Variants in TENT2 observed in about 807,000 individuals in gnomAD.
TENT2 encodes poly(A) RNA polymerase GLD2.
TENT2 carries 44 observed loss-of-function variants against 72.2 expected under a neutral mutation model. The ratio of observed to expected loss-of-function variants is 0.61; its 90% confidence interval spans 0.48 to 0.78. The LOEUF (loss-of-function observed/expected upper bound fraction) is 0.78. Among genes scored for constraint, TENT2 ranks in the 30% least tolerant of loss-of-function variants. The probability of loss-of-function intolerance (pLI) is 0.00; values close to 1 mark genes in which losing one functional copy is unlikely to be tolerated. For missense variants in TENT2, 541 were observed against 569.6 expected (o/e 0.95, Z 0.51); for synonymous variants, 212 against 192.5 (o/e 1.10, Z -0.84).
intron 12 of TENT2, among the ~76,000 whole-genome samples, chr5:79,669,954 CGCGGTA>C (rs1408895044): frequency 2.6e-5 from 4 of 151,972 alleles, no homozygotes; most frequent in African/African-American, 9.7e-5. Flanking sequence ...TCAGGCCGGG[CGCGGTA>C]GCTCATGCCT....
At chr5:79,619,830 T>C (rs1427811517) in intron 2 of TENT2, 45 bp downstream of exon 2, 1 of 1,583,958 alleles carries the variant, frequency 6.3e-7, no homozygotes, top group Non-Finnish European at 8.6e-7. Context: ...TAAATTTCAT[T>C]TTCTATTTGA....
chr5:79,616,395 A>G (rs558759332), intron 1 of TENT2, among the ~76,000 whole-genome samples: 3 of 150,118 alleles, frequency 2.0e-5, no homozygotes, highest in Non-Finnish European at 4.4e-5. Flanking sequence ...GGATTTCACC[A>G]TGTTAGTCAG....
At chr5:79,679,785 CTT>C in intron 13 of TENT2, 115 bp downstream of exon 13, 1 of 543,170 alleles carries the variant, frequency 1.8e-6, no homozygotes, top group Non-Finnish European at 2.8e-6. Context: ...ATTTGTAAGT[CTT>C]TTAGTTTAAA....
chr5:79,626,990 C>T (rs1343513155), intron 4 of TENT2, among the ~76,000 whole-genome samples: 13 of 151,856 alleles, frequency 8.6e-5, no homozygotes, highest in South Asian at 2.1e-4. Context: ...ATTAGCTGGG[C>T]GTGGTGGCAG....
At chr5:79,638,005 G>T (rs972676039) in intron 4 of TENT2, among the ~76,000 whole-genome samples, 44 of 151,548 alleles carry the variant, frequency 2.9e-4, no homozygotes, top group African/African-American at 1.0e-3. Context: ...TCACCATGTT[G>T]TCCAGGATGG....
Position 79,645,194 on chromosome 5 carries a change from T to TA in TENT2, c.821+5dup, listed in dbSNP as rs773676047. On this transcript the variant is annotated splice_region_variant and intron_variant, in intron 8 of 14. Transcript: ENST00000453514. The stretch of plus-strand genomic sequence containing the variant: ...TGTGAAGTTCAGGGATAAAGTCAGG[T>TA]AAATAATTAATGAGCTTTCTTTTTT... 6.2e-7 allele frequency: 1 copy of TA among 1,602,080 alleles called. No homozygotes were observed. Among genetic ancestry groups the TA allele is most frequent in the South Asian group, 1.1e-5 (1 of 88,692 alleles).
intron 10 of TENT2, 41 bp downstream of exon 10, chr5:79,649,231 G>C (rs1022834863): frequency 6.3e-7 from 1 of 1,577,680 alleles, no homozygotes. Context: ...AAAAGTAAAA[G>C]ACAGCTTTAT....
intron 11 of TENT2, among the ~76,000 whole-genome samples, chr5:79,663,859 A>G (rs1580551720): frequency 6.6e-6 from 1 of 152,198 alleles, no homozygotes; most frequent in Non-Finnish European, 1.5e-5. Flanking sequence ...AAACTGCAGT[A>G]TCTTCGAAGT....
chr5:79,644,656 A>G (rs1246734164), intron 7 of TENT2: 1 of 152,400 alleles, frequency 6.6e-6, no homozygotes, highest in Non-Finnish European at 1.5e-5. Context: ...TTTCACTTGT[A>G]GAGATCATGT....
chr5:79,642,040 T>C (rs1784875114), intron 6 of TENT2, among the ~76,000 whole-genome samples: 1 of 152,056 alleles, frequency 6.6e-6, no homozygotes, highest in Admixed American at 6.6e-5. Context: ...TTCATTAAGC[T>C]GACTTGAGGC....
intron 8 of TENT2, 110 bp downstream of exon 8, chr5:79,645,302 T>A: frequency 1.1e-6 from 1 of 883,340 alleles, no homozygotes; most frequent in Non-Finnish European, 1.7e-6. Flanking sequence ...TTTATTTTAA[T>A]CAGTTTTTAG....
rs1302872584 is a variant in TENT2 at position 79,619,896 on chromosome 5, T to G, written c.138-98T>G. The G allele has an allele frequency of 5.4e-6, 8 of 1,472,432 alleles. No individual in the cohort carries two copies. In the South Asian group the frequency reaches 9.0e-5, roughly 17 times the overall value. 91.2% of individuals were successfully genotyped at this position (1,472,432 alleles called of 1,614,324 possible). On this transcript the variant is annotated intron_variant, in intron 2 of 14. Transcript: ENST00000453514. ...CATGGAGAATATGTCGTCACATTTT[T>G]TTTTGATACGGATGTATTTAATTTT...
At chr5:79,670,311 T>TTTTACTTA (rs1811962723) in intron 12 of TENT2, among the ~76,000 whole-genome samples, 1 of 151,782 alleles carries the variant, frequency 6.6e-6, no homozygotes, top group African/African-American at 2.4e-5. Context: ...AGGTAAGAGC[T>TTTTACTTA]TTTATTTATT....
rs1561504360 is a variant in TENT2, at chr5:79,641,085, A to C, written c.581-20A>C. 6.4e-7 allele frequency: 1 copy of C among 1,550,860 alleles called. No individual in the cohort carries two copies. Among genetic ancestry groups the C allele is most frequent in the Non-Finnish European group, 8.7e-7 (1 of 1,154,816 alleles). ...ACTTTAGATTTTAAATACTCTTATT[A>C]CTTTCTTCTGTTTCTTTAGAAAGCA... is the stretch of plus-strand genomic sequence containing the variant. On this transcript the variant is annotated intron_variant, in intron 5 of 14. Coordinates refer to ENST00000453514, the MANE Select transcript of TENT2 (RefSeq NM_001114394.3).
chr5:79,626,998 C>T (rs1476508430), intron 4 of TENT2, among the ~76,000 whole-genome samples: 5 of 151,864 alleles, frequency 3.3e-5, no homozygotes, highest in African/African-American at 7.3e-5. Context: ...GGCGTGGTGG[C>T]AGGCGCCTAT....
intron 11 of TENT2, 148 bp downstream of exon 11, chr5:79,657,149 T>C: frequency 1.9e-6 from 1 of 531,438 alleles, no homozygotes; most frequent in Non-Finnish European, 3.2e-6. Flanking sequence ...TTAAAATGTT[T>C]CATATACTGT....
In TENT2 at chr5:79,623,474, T is replaced by C. The variant is rs755542352; in HGVS notation, c.450T>C (p.Pro150=). The change falls in exon 4 of 15, where the codon CCT becomes CCC. Residue 150 remains proline, a synonymous_variant. Transcript: ENST00000453514. ...AFLEPREITL[P]EAKDKLSQQI... is the part of the protein sequence containing the mutation. The stretch of plus-strand genomic sequence containing the variant: ...TAGAACCTAGAGAAATCACACTGCC[T>C]GAGGCCAAAGATAAGGTAATAATAA... 6.2e-7 allele frequency: 1 copy of C among 1,604,190 alleles called. No individual in the cohort carries two copies. Among genetic ancestry groups the C allele is most frequent in the South Asian group, 1.1e-5 (1 of 90,010 alleles).
Position 79,635,314 on chromosome 5 carries a change from A to G in TENT2, c.466-5537A>G, listed in dbSNP as rs761688202. On this transcript the variant is annotated intron_variant, in intron 4 of 14. Transcript: ENST00000453514. ...TATGATTTGATAATGTGAATCCCCAAGTTAATGGGTAGATAATGACGAAAA... is the reference window on the plus strand; with the variant it reads ...TATGATTTGATAATGTGAATCCCCAGGTTAATGGGTAGATAATGACGAAAA... Among the ~76,000 whole-genome samples, 71 of 152,222 alleles carry G rather than the reference A, an allele frequency of 4.7e-4. 1 individual carries two copies. Among genetic ancestry groups the G allele is most frequent in the Non-Finnish European group, 3.2e-4 (22 of 68,042 alleles).
intron 1 of TENT2, among the ~76,000 whole-genome samples, chr5:79,615,376 A>T (rs369070969): frequency 2.0e-5 from 3 of 152,198 alleles, no homozygotes; most frequent in African/African-American, 7.2e-5. Flanking sequence ...TATAGGTATA[A>T]ACAAAAGTAT....
Sources: allele counts gnomAD v4.1 joint callset (sites outside exome capture counted in the v4.1 genomes callset), GRCh38; gene constraint gnomAD v4.1.1; transcripts MANE v1.5; gene names NCBI Gene and HGNC (gene_info 2026-07-23, HGNC 2026-07-21).